SLC1A3: variants seen among roughly 807,000 people sequenced by gnomAD.
The protein encoded by SLC1A3 is excitatory amino acid transporter 1.
SLC1A3 carries 21 observed loss-of-function variants against 48.1 expected under a neutral mutation model. The observed-to-expected ratio is 0.44, with a 90% CI of 0.31 to 0.63. The LOEUF is 0.63. SLC1A3 is among the 20% of genes least tolerant of loss of function. SLC1A3 has a pLI of 0.08. For missense variants in SLC1A3, 546 were observed against 689.0 expected (o/e 0.79, Z 2.32); for synonymous variants, 239 against 251.4 (o/e 0.95, Z 0.47).
At chr5:36,617,567 T>C (rs1739494249) in intron 2 of SLC1A3, among the ~76,000 whole-genome samples, 1 of 152,122 alleles carries the variant, frequency 6.6e-6, no homozygotes, top group African/African-American at 2.4e-5. Context: ...TTGTTATTCA[T>C]TTCTCGTATG....
In SLC1A3 at chr5:36,678,106, T is replaced by C. The variant is rs117426187; in HGVS notation, c.860+922T>C. Among the ~76,000 whole-genome samples the C allele has an allele frequency of 5.9e-5, 9 of 152,362 alleles. No homozygotes were observed. The East Asian group carries it at 1.7e-3, about 29-fold the overall frequency. On this transcript the variant is annotated intron_variant, in intron 6 of 9. Transcript: ENST00000265113. The stretch of plus-strand genomic sequence containing the variant: ...TTGTGTGGAGGTTGCTTCTCTTTCA[T>C]TCTTTATTTTTAATCCAGTCTCCTC...
At chr5:36,663,380 A>AGTTTTTTTTTTTTTTTTTTT (rs1741595470) in intron 3 of SLC1A3, among the ~76,000 whole-genome samples, 1 of 69,338 alleles carries the variant, frequency 1.4e-5, no homozygotes. Flanking sequence ...CACGCCCGGC[A>AGTTTTTTTTTTTTTTTTTTT]TTTTTTTTTT....
chr5:36,601,301 G>A (rs1206811574), intron 1 of SLC1A3, among the ~76,000 whole-genome samples: 1 of 152,134 alleles, frequency 6.6e-6, no homozygotes, highest in Non-Finnish European at 1.5e-5. Context: ...TTTGTGGCAG[G>A]GAAATCCTAA....
chr5:36,613,706 G>T (rs533284634), intron 2 of SLC1A3, among the ~76,000 whole-genome samples: 1 of 152,266 alleles, frequency 6.6e-6, no homozygotes, highest in East Asian at 1.9e-4. Context: ...AGAAGCTGGG[G>T]GTAGGGGGAT....
chr5:36,632,741 A>C (rs1298880572), intron 3 of SLC1A3, among the ~76,000 whole-genome samples: 1 of 152,256 alleles, frequency 6.6e-6, no homozygotes, highest in African/African-American at 2.4e-5. Flanking sequence ...AGATTCTAGA[A>C]AACATGCTAT....
intron 3 of SLC1A3, among the ~76,000 whole-genome samples, chr5:36,651,007 C>T (rs1444432411): frequency 1.3e-5 from 2 of 152,008 alleles, no homozygotes; most frequent in African/African-American, 4.8e-5. Flanking sequence ...CCAAGATTTG[C>T]AGAGTTACTT....
At chr5:36,668,317 C>G (rs1358096815) in intron 3 of SLC1A3, 1 of 152,344 alleles carries the variant, frequency 6.6e-6, no homozygotes, top group East Asian at 1.9e-4. Flanking sequence ...GGGGTTTTGT[C>G]TTCCAGAGTT....
chr5:36,601,936 G>A (rs751257451), upstream of SLC1A3, among the ~76,000 whole-genome samples: 10 of 152,040 alleles, frequency 6.6e-5, no homozygotes, highest in African/African-American at 9.7e-5. Flanking sequence ...AGCACCTTCC[G>A]TTCTGGTTCC....
At chr5:36,661,232 C>T (rs922719298) in intron 3 of SLC1A3, among the ~76,000 whole-genome samples, 25 of 152,042 alleles carry the variant, frequency 1.6e-4, no homozygotes, top group Non-Finnish European at 2.1e-4. Flanking sequence ...GCCAACGTGG[C>T]GAAACCCCGT....
intron 2 of SLC1A3, among the ~76,000 whole-genome samples, chr5:36,620,906 T>A (rs1739636268): frequency 1.3e-5 from 2 of 151,730 alleles, no homozygotes; most frequent in South Asian, 4.1e-4. Context: ...ACATTTGAGC[T>A]AGGTCTTTTT....
intron 3 of SLC1A3, among the ~76,000 whole-genome samples, chr5:36,645,944 T>C (rs1740823947): frequency 6.6e-6 from 1 of 152,196 alleles, no homozygotes; most frequent in Non-Finnish European, 1.5e-5. Flanking sequence ...TTTTTATTCT[T>C]GAATAGAGCT....
intron 2 of SLC1A3, among the ~76,000 whole-genome samples, chr5:36,611,088 T>C (rs1185766926): frequency 6.6e-6 from 1 of 152,178 alleles, no homozygotes; most frequent in Non-Finnish European, 1.5e-5. Context: ...GGGTTCCATG[T>C]CTACCAGTCC....
chr5:36,612,063 G>A (rs1275768899), intron 2 of SLC1A3, among the ~76,000 whole-genome samples: 5 of 146,390 alleles, frequency 3.4e-5, no homozygotes, highest in Admixed American at 6.7e-5. Context: ...TGGTCTTGGC[G>A]CACGCGCACA....
intron 5 of SLC1A3, among the ~76,000 whole-genome samples, chr5:36,675,965 C>T (rs1314545368): frequency 6.6e-6 from 1 of 152,180 alleles, no homozygotes; most frequent in East Asian, 1.9e-4. Flanking sequence ...CCTACAATCA[C>T]CATCAAGATC....
At position 36,688,099 on chromosome 5, in the gene SLC1A3, T is replaced by C. The variant is rs1384092183; in HGVS notation, c.*1830T>C. ...CGGAAATACACTACAAATGTTAAAGTACGTGGCTGTCCTCTTAAGACACTA... is the reference window on the plus strand; with the variant it reads ...CGGAAATACACTACAAATGTTAAAGCACGTGGCTGTCCTCTTAAGACACTA... On this transcript the variant is annotated 3_prime_UTR_variant, in exon 10 of 10. Coordinates refer to ENST00000265113, the MANE Select transcript of SLC1A3 (RefSeq NM_004172.5). 4 of 152,232 alleles carry C rather than the reference T, an allele frequency of 2.6e-5. No individual in the cohort carries two copies. The highest frequency in any genetic ancestry group is 4.4e-5 in the Non-Finnish European group (3 of 68,046). 9.4% of individuals were successfully genotyped at this position (152,232 alleles called of 1,614,324 possible). A position where few individuals can be genotyped will look rare whatever the true frequency, so the allele number is the denominator to read the frequency against.
intron 4 of SLC1A3, among the ~76,000 whole-genome samples, chr5:36,673,074 T>A (rs1742061329): frequency 6.6e-6 from 1 of 152,130 alleles, no homozygotes; most frequent in South Asian, 2.1e-4. Flanking sequence ...GTTTGAACAT[T>A]TATCCTGGAA....
chr5:36,648,764 A>G (rs997620859), intron 3 of SLC1A3, among the ~76,000 whole-genome samples: 1 of 152,308 alleles, frequency 6.6e-6, no homozygotes, highest in South Asian at 2.1e-4. Context: ...CTTCAACTAC[A>G]TACATTGTGA....
chr5:36,616,006 G>A (rs1319188093), intron 2 of SLC1A3, among the ~76,000 whole-genome samples: 2 of 152,178 alleles, frequency 1.3e-5, no homozygotes, highest in East Asian at 3.8e-4. Context: ...GACCAGCCTG[G>A]CCAAGATGGT....
chr5:36,673,637 G>A (rs908796457), intron 4 of SLC1A3, among the ~76,000 whole-genome samples: 1 of 152,296 alleles, frequency 6.6e-6, no homozygotes, highest in African/African-American at 2.4e-5. Context: ...GCTGACCATG[G>A]CTTTTGATTC....
Sources: gnomAD v4.1 joint callset for allele counts (sites outside exome capture counted in the v4.1 genomes callset) on GRCh38, gnomAD v4.1.1 for gene constraint, MANE v1.5 for transcripts, NCBI Gene and HGNC (gene_info 2026-07-23, HGNC 2026-07-21) for gene names.